Variants in GRIN2B observed in about 807,000 individuals in gnomAD.
GRIN2B encodes glutamate receptor ionotropic, NMDA 2B.
In GRIN2B, 5 loss-of-function variants were observed where a neutral mutation model predicts 114.5. The ratio of observed to expected loss-of-function variants is 0.04; its 90% CI spans 0.02 to 0.09. The LOEUF (loss-of-function observed/expected upper bound fraction) is 0.09. Ranked by LOEUF, GRIN2B falls within the 10% of genes least tolerant of loss-of-function variation. The pLI is 1.00. For missense variants in GRIN2B, 1,108 were observed against 1,943.5 expected, an observed-to-expected ratio of 0.57 and a Z score of 8.08; for synonymous variants, 787 against 745.1, an observed-to-expected ratio of 1.06 and a Z score of -0.92.
intron 2 of GRIN2B, among the ~76,000 whole-genome samples, chr12:13,960,854 A>G (rs1867676941): frequency 1.3e-5 from 2 of 152,352 alleles, no homozygotes; most frequent in Admixed American, 6.5e-5. Context: ...TCCAGCAAAC[A>G]AAAGATAGAC....
intron 2 of GRIN2B, among the ~76,000 whole-genome samples, chr12:13,959,008 T>A (rs1867646308): frequency 6.6e-6 from 1 of 152,076 alleles, no homozygotes; most frequent in African/African-American, 2.4e-5. Context: ...ATTTGGATAT[T>A]CTCTAAAAAT....
chr12:13,939,487 A>G (rs1432698532), intron 2 of GRIN2B, among the ~76,000 whole-genome samples: 7 of 146,878 alleles, frequency 4.8e-5, no homozygotes, highest in Non-Finnish European at 7.4e-5. Flanking sequence ...TTCACCTTCT[A>G]CTATGATTGA....
intron 3 of GRIN2B, among the ~76,000 whole-genome samples, chr12:13,804,995 G>A (rs1864577013): frequency 6.6e-6 from 1 of 152,134 alleles, no homozygotes; most frequent in South Asian, 2.1e-4. Flanking sequence ...GCAATACACA[G>A]ACATACACAA....
rs571976396 is a variant in GRIN2B at position 13,592,748 on chromosome 12, C to T, written c.2010+15855G>A. Among the ~76,000 whole-genome samples, 34 of 152,274 alleles carry T rather than the reference C, an allele frequency of 2.2e-4. No individual in the cohort carries two copies. The South Asian group carries it at 3.1e-3, about 14-fold the overall frequency. ...CCTTTTGGGGCATCCAAGCCTGACA[C>T]CCCCTATTTTCACATCCACAAAATC... On this transcript the variant is annotated intron_variant, in intron 10 of 13. Coordinates refer to ENST00000609686, the MANE Select transcript of GRIN2B (RefSeq NM_000834.5).
At position 13,811,479 on chromosome 12, in the gene GRIN2B, A is replaced by G. The variant is rs919263443; in HGVS notation, c.411+54319T>C. Among the ~76,000 whole-genome samples the G allele has an allele frequency of 1.6e-4, 25 of 152,306 alleles. No homozygotes were observed. The South Asian group carries it at 1.7e-3, about 10-fold the overall frequency. On this transcript the variant is annotated intron_variant, in intron 3 of 13. Coordinates refer to ENST00000609686, the MANE Select transcript of GRIN2B (RefSeq NM_000834.5). The stretch of plus-strand genomic sequence containing the variant: ...GCCTGCATTTTCAGCTACTTGGAAG[A>G]CTGAGGCAGGAGGATCACTTGAGCC...
rs1395707145 is a variant in GRIN2B at position 13,561,557 on chromosome 12, C to CACTT, written c.*1222_*1225dup. ...AAGCATTGGAAACATCCCCCTCTCT[C>CACTT]ACTTACCCTACCATACACGACTCCT... On this transcript the variant is annotated 3_prime_UTR_variant, in exon 14 of 14. Coordinates refer to ENST00000609686, the MANE Select transcript of GRIN2B (RefSeq NM_000834.5). 1 of 152,604 alleles carries CACTT rather than the reference C, an allele frequency of 6.6e-6. No individual in the cohort carries two copies. Among genetic ancestry groups the CACTT allele is most frequent in the Non-Finnish European group, 1.5e-5 (1 of 68,028 alleles). 9.5% of individuals were successfully genotyped at this position (152,604 alleles called of 1,614,324 possible).
intron 3 of GRIN2B, among the ~76,000 whole-genome samples, chr12:13,788,588 G>A (rs1384319031): frequency 6.6e-6 from 1 of 152,160 alleles, no homozygotes; most frequent in South Asian, 2.1e-4. Flanking sequence ...CTGTTACTTA[G>A]ACACAGAAAT....
chr12:13,979,315 C>T (rs1863087312), intron 2 of GRIN2B, among the ~76,000 whole-genome samples: 1 of 151,880 alleles, frequency 6.6e-6, no homozygotes, highest in Admixed American at 6.6e-5. Context: ...CAGCCCGATC[C>T]CCACCTAGAC....
chr12:13,764,440 C>G (rs964141121), intron 3 of GRIN2B, among the ~76,000 whole-genome samples: 6 of 152,150 alleles, frequency 3.9e-5, no homozygotes, highest in Non-Finnish European at 5.9e-5. Context: ...CAACGGAATG[C>G]TCTAACCGGC....
intron 5 of GRIN2B, among the ~76,000 whole-genome samples, chr12:13,646,151 G>C (rs1267752679): frequency 6.6e-6 from 1 of 152,072 alleles, no homozygotes; most frequent in Non-Finnish European, 1.5e-5. Context: ...GTGATAGGAA[G>C]TTTCTCTCCC....
intron 3 of GRIN2B, among the ~76,000 whole-genome samples, chr12:13,828,279 T>C (rs1463482081): frequency 6.6e-6 from 1 of 152,204 alleles, no homozygotes; most frequent in East Asian, 1.9e-4. Flanking sequence ...AGATCTCTAT[T>C]AAGTCTCAAT....
At chr12:13,822,202 T>C (rs1232352749) in intron 3 of GRIN2B, among the ~76,000 whole-genome samples, 1 of 152,176 alleles carries the variant, frequency 6.6e-6, no homozygotes, top group African/African-American at 2.4e-5. Context: ...GAAAAAATGA[T>C]GGAATCACAC....
rs1049234552 is a variant in GRIN2B at position 13,538,368 on chromosome 12, A to C, written c.*24415T>G. 3.9e-5 allele frequency: 6 copies of C among 152,210 alleles called. No individual in the cohort carries two copies. Among genetic ancestry groups the C allele is most frequent in the Non-Finnish European group, 8.8e-5 (6 of 68,064 alleles). The allele number at this position is 152,210 out of a possible 1,614,324, so 9.4% of individuals were successfully genotyped here. ...GAGGCAGGCTGTATAAAGAACAGACACTTGGCATAGTCTCAGGAAGTTCTG... is the reference window on the plus strand; with the variant it reads ...GAGGCAGGCTGTATAAAGAACAGACCCTTGGCATAGTCTCAGGAAGTTCTG... On this transcript the variant is annotated 3_prime_UTR_variant, in exon 14 of 14. Coordinates refer to ENST00000609686, the MANE Select transcript of GRIN2B (RefSeq NM_000834.5).
intron 5 of GRIN2B, among the ~76,000 whole-genome samples, chr12:13,672,134 C>T (rs889426193): frequency 6.6e-6 from 1 of 152,066 alleles, no homozygotes; most frequent in Non-Finnish European, 1.5e-5. Context: ...TTCCAATCTG[C>T]TATTTATTTG....
chr12:13,815,087 C>T (rs1057124984), intron 3 of GRIN2B, among the ~76,000 whole-genome samples: 8 of 152,100 alleles, frequency 5.3e-5, no homozygotes, highest in African/African-American at 1.9e-4. Context: ...TTATATGATT[C>T]AACTTTATAT....
At chr12:13,749,447 G>C (rs1305403352) in intron 4 of GRIN2B, among the ~76,000 whole-genome samples, 1 of 152,202 alleles carries the variant, frequency 6.6e-6, no homozygotes. Flanking sequence ...TACATCCCTA[G>C]TGTCATGCTG....
chr12:13,850,491 C>T (rs1469093547), intron 3 of GRIN2B, among the ~76,000 whole-genome samples: 1 of 152,204 alleles, frequency 6.6e-6, no homozygotes. Context: ...AGCTGCAGCT[C>T]CCAGGCCCCA....
chr12:13,827,594 C>A (rs1865067726), intron 3 of GRIN2B, among the ~76,000 whole-genome samples: 1 of 151,244 alleles, frequency 6.6e-6, no homozygotes, highest in South Asian at 2.1e-4. Context: ...TTAAGTTCCA[C>A]TGAGTCATTT....
At chr12:13,593,265 G>A (rs886940378) in intron 10 of GRIN2B, among the ~76,000 whole-genome samples, 2 of 152,148 alleles carry the variant, frequency 1.3e-5, no homozygotes, top group African/African-American at 4.8e-5. Context: ...GAACAAAGCT[G>A]GAGGCATCAT....
Sources: allele counts gnomAD v4.1 joint callset (sites outside exome capture counted in the v4.1 genomes callset), GRCh38; gene constraint gnomAD v4.1.1; transcripts MANE v1.5; gene names NCBI Gene and HGNC (gene_info 2026-07-23, HGNC 2026-07-21).